Variants in DIAPH2 observed in about 807,000 individuals in gnomAD.
DIAPH2 encodes the protein diaphanous related formin 2.
A neutral mutation model predicts 92.7 loss-of-function variants in DIAPH2; 35 were observed. The observed-to-expected ratio is 0.38, with a 90% CI of 0.29 to 0.50. DIAPH2 has a LOEUF of 0.50. Ranked by LOEUF, DIAPH2 falls within the 20% of genes least tolerant of loss-of-function variation. DIAPH2 has a pLI of 0.94. For missense variants in DIAPH2, 701 were observed against 819.5 expected (o/e 0.86, Z 1.77); for synonymous variants, 301 against 280.4 (o/e 1.07, Z -0.73).
chrX:96,874,268 T>G (rs2147738763), intron 4 of DIAPH2, among the ~76,000 whole-genome samples: 1 of 112,139 alleles, frequency 8.9e-6, no homozygotes, highest in South Asian at 3.7e-4. Flanking sequence ...TACATTTCAT[T>G]ATCTGTTATA....
intron 21 of DIAPH2, among the ~76,000 whole-genome samples, chrX:97,132,155 C>T (rs1462010662): frequency 1.8e-5 from 2 of 111,799 alleles, no homozygotes; most frequent in African/African-American, 6.5e-5. Context: ...ATAAATTAGG[C>T]TAACAAGTGT....
chrX:97,106,186 CTTTAT>C (rs1339978090), intron 20 of DIAPH2, among the ~76,000 whole-genome samples: 1 of 110,999 alleles, frequency 9.0e-6, no homozygotes, highest in Non-Finnish European at 1.9e-5. Flanking sequence ...TTGCATTTTT[CTTTAT>C]TTTATATGCC....
intron 17 of DIAPH2, among the ~76,000 whole-genome samples, chrX:96,986,509 A>G (rs1222240512): frequency 8.9e-6 from 1 of 111,774 alleles, no homozygotes; most frequent in Non-Finnish European, 1.9e-5. Context: ...TAACAGAGTT[A>G]CCAGGACATT....
intron 17 of DIAPH2, among the ~76,000 whole-genome samples, chrX:97,023,708 G>A (rs1208544586): frequency 9.0e-6 from 1 of 111,707 alleles, no homozygotes; most frequent in Non-Finnish European, 1.9e-5. Context: ...ACAGTATATT[G>A]GAAGCAGATT....
At chrX:97,583,529 G>A (rs941179817) in intron 26 of DIAPH2, among the ~76,000 whole-genome samples, 2 of 111,790 alleles carry the variant, frequency 1.8e-5, no homozygotes, top group African/African-American at 3.2e-5. Context: ...CAGTCTGCCC[G>A]TTCTCAGATC....
chrX:97,534,093 A>T (rs1041413967), intron 26 of DIAPH2, among the ~76,000 whole-genome samples: 2 of 36,413 alleles, frequency 5.5e-5, no homozygotes, highest in Admixed American at 4.2e-4. Flanking sequence ...ACAAAATTTC[A>T]GTGTTGCTTA....
At position 96,762,276 on chromosome X, in the gene DIAPH2, CCT is replaced by C. The variant is rs761757829; in HGVS notation, c.447+4022_447+4023del. ...TCCTGCTTTCTTAAACACAATTCTGCCTCTCAGAAATTCTTTTATCACTTATC... is the reference window on the plus strand; with the variant it reads ...TCCTGCTTTCTTAAACACAATTCTGCCTCAGAAATTCTTTTATCACTTATC... On this transcript the variant is annotated intron_variant, in intron 4 of 26. Transcript: ENST00000324765. 2.7e-5 allele frequency among the ~76,000 whole-genome samples: 3 copies of C among 111,025 alleles called. No homozygotes were observed. The South Asian group carries it at 1.1e-3, about 42-fold the overall frequency.
chrX:96,876,774 G>A (rs9723791), intron 4 of DIAPH2, among the ~76,000 whole-genome samples: 11,684 of 106,891 alleles, frequency 0.11, 576 homozygotes, highest in East Asian at 0.33. Flanking sequence ...GTTTGGGGAG[G>A]GGGGAGGGAT....
At chrX:97,508,494 A>G (rs886788612) in intron 26 of DIAPH2, among the ~76,000 whole-genome samples, 3 of 112,639 alleles carry the variant, frequency 2.7e-5, no homozygotes, top group Non-Finnish European at 5.6e-5. Context: ...GAGAATGGAT[A>G]GAAATTTTAA....
chrX:97,363,535 T>C (rs2069346972), intron 24 of DIAPH2, among the ~76,000 whole-genome samples: 1 of 107,118 alleles, frequency 9.3e-6, no homozygotes, highest in Non-Finnish European at 1.9e-5. Flanking sequence ...GCATTGTGGC[T>C]TGCACCTGTA....
intron 22 of DIAPH2, among the ~76,000 whole-genome samples, chrX:97,195,387 G>T (rs755493590): frequency 9.0e-6 from 1 of 111,367 alleles, no homozygotes; most frequent in Non-Finnish European, 1.9e-5. Context: ...TAGGCCAGGC[G>T]CAGTGGCTCA....
rs192066 is a variant in DIAPH2 at position 96,811,905 on chromosome X, A to G, written c.447+53647A>G. 2.7e-5 allele frequency among the ~76,000 whole-genome samples: 3 copies of G among 111,725 alleles called. No individual in the cohort carries two copies. The South Asian group carries it at 1.1e-3, about 42-fold the overall frequency. ...ATGGTGGATAAGCTTTTTGATGTGC[A>G]GCTGGATTCGGTTTGCCAGTATTTT... On this transcript the variant is annotated intron_variant, in intron 4 of 26. Transcript: ENST00000324765.
At chrX:97,368,080 A>G (rs2069400441) in intron 24 of DIAPH2, among the ~76,000 whole-genome samples, 1 of 112,535 alleles carries the variant, frequency 8.9e-6, no homozygotes, top group African/African-American at 3.2e-5. Context: ...GCAGCTAACT[A>G]ATCTTTCAAA....
intron 22 of DIAPH2, among the ~76,000 whole-genome samples, chrX:97,158,714 A>G (rs760217298): frequency 3.6e-5 from 4 of 112,426 alleles, no homozygotes; most frequent in Admixed American, 1.9e-4. Context: ...TACACTGACA[A>G]TTCTAATGCA....
intron 1 of DIAPH2, among the ~76,000 whole-genome samples, chrX:96,715,349 G>A (rs2063943368): frequency 8.9e-6 from 1 of 111,805 alleles, no homozygotes; most frequent in African/African-American, 3.2e-5. Flanking sequence ...TAGTCTTGCA[G>A]TTGACAGTGA....
At chrX:96,925,919 G>A (rs988928280) in intron 9 of DIAPH2, among the ~76,000 whole-genome samples, 5 of 111,523 alleles carry the variant, frequency 4.5e-5, no homozygotes, top group Non-Finnish European at 9.4e-5. Flanking sequence ...CAATTAACTC[G>A]CTCTGTACAT....
chrX:97,540,620 C>T (rs994834245), intron 26 of DIAPH2, among the ~76,000 whole-genome samples: 4 of 111,772 alleles, frequency 3.6e-5, no homozygotes, highest in East Asian at 2.8e-4. Context: ...AAATTAAAAA[C>T]GCAAAGAAAA....
rs202046146 is a variant in DIAPH2, at chrX:97,312,345, C to CATTTTTTTTTTTTTTTTTTTTTTTT, written c.2845-35771_2845-35770insATTTTTTTTTTTTTTTTTTTTTTTT. 9.1e-5 allele frequency among the ~76,000 whole-genome samples: 5 copies of CATTTTTTTTTTTTTTTTTTTTTTTT among 54,944 alleles called. 2 individuals carry two copies. Among genetic ancestry groups the CATTTTTTTTTTTTTTTTTTTTTTTT allele is most frequent in the Non-Finnish European group, 9.2e-5 (3 of 32,558 alleles). 47.7% of individuals were successfully genotyped at this position (54,944 alleles called of 115,157 possible). A position where few individuals can be genotyped will look rare whatever the true frequency, so the allele number is the denominator to read the frequency against. ...TTGATCACTTTTGATCAATAGAATC[C>CATTTTTTTTTTTTTTTTTTTTTTTT]TTTTTTTTTTTTTTTTTTTTTTTTT... On this transcript the variant is annotated intron_variant, in intron 23 of 26. Coordinates refer to ENST00000324765, the MANE Select transcript of DIAPH2 (RefSeq NM_006729.5).
intron 25 of DIAPH2, among the ~76,000 whole-genome samples, chrX:97,408,220 A>G (rs1013992846): frequency 9.0e-6 from 1 of 111,346 alleles, no homozygotes; most frequent in Non-Finnish European, 1.9e-5. Context: ...GTGGGTGTCA[A>G]TTTTAGAAAA....
Sources: gnomAD v4.1 joint callset for allele counts (sites outside exome capture counted in the v4.1 genomes callset) on GRCh38, gnomAD v4.1.1 for gene constraint, MANE v1.5 for transcripts, NCBI Gene and HGNC (gene_info 2026-07-23, HGNC 2026-07-21) for gene names.